VWA5B1: variants seen among roughly 807,000 people sequenced by gnomAD.
The protein encoded by VWA5B1 is von Willebrand factor A domain containing 5B1.
VWA5B1 carries 115 observed loss-of-function variants against 118.2 expected under a neutral mutation model. The observed-to-expected ratio is 0.97, with a 90% confidence interval of 0.84 to 1.14. The LOEUF (loss-of-function observed/expected upper bound fraction) is 1.14. Among genes scored for constraint, VWA5B1 ranks in the 50% most tolerant of loss-of-function variants. The pLI, the probability that VWA5B1 is intolerant of heterozygous loss-of-function variation, is 0.00. For missense variants in VWA5B1, 1,596 were observed against 1,603.8 expected (o/e 1.00, Z 0.08); for synonymous variants, 682 against 658.4 (o/e 1.04, Z -0.55).
At chr1:20,296,432 G>A (rs972294530) in intron 1 of VWA5B1, among the ~76,000 whole-genome samples, 1 of 152,216 alleles carries the variant, frequency 6.6e-6, no homozygotes, top group Non-Finnish European at 1.5e-5. Flanking sequence ...AGGACTCCTA[G>A]TCCTACACAA....
At chr1:20,330,839 A>G in intron 10 of VWA5B1, 30 bp from the exon 11 acceptor site, 1 of 1,538,854 alleles carries the variant, frequency 6.5e-7, no homozygotes, top group African/African-American at 1.4e-5. Context: ...AGGATAAGAC[A>G]TAGCAGCCTC....
chr1:20,335,431 G>T (rs2089685736), intron 12 of VWA5B1, among the ~76,000 whole-genome samples: 1 of 152,126 alleles, frequency 6.6e-6, no homozygotes, highest in African/African-American at 2.4e-5. Flanking sequence ...AACAAAAAAT[G>T]ACCCCCAACA....
chr1:20,356,411 T>C lies in VWA5B1; in HGVS notation c.*2148T>C, dbSNP rs1487090587. On this transcript the variant is annotated 3_prime_UTR_variant, in exon 22 of 22. Coordinates refer to ENST00000289815, the MANE Select transcript of VWA5B1 (RefSeq NM_001039500.3). ...AGTTCTCTGTGTGACCTTGAACAAG[T>C]GGCGTGTGTGTTCTGGGCCTCTTTC... is the stretch of plus-strand genomic sequence containing the variant. 6.6e-6 allele frequency among the ~76,000 whole-genome samples: 1 copy of C among 152,188 alleles called. No homozygotes were observed. The highest frequency in any genetic ancestry group is 1.5e-5 in the Non-Finnish European group (1 of 68,030).
At chr1:20,350,112 G>A in intron 18 of VWA5B1, 44 bp from the exon 19 acceptor site, 2 of 1,535,050 alleles carry the variant, frequency 1.3e-6, no homozygotes, top group Non-Finnish European at 1.8e-6. Context: ...GGGAGGCGAG[G>A]AAGGGAGGGG....
intron 3 of VWA5B1, among the ~76,000 whole-genome samples, chr1:20,314,000 C>A (rs989683643): frequency 6.6e-6 from 1 of 152,052 alleles, no homozygotes; most frequent in Non-Finnish European, 1.5e-5. Context: ...ACTATGGATC[C>A]CCAAGGTGGA....
chr1:20,301,822 G>A (rs2088511143), intron 1 of VWA5B1, among the ~76,000 whole-genome samples: 1 of 152,190 alleles, frequency 6.6e-6, no homozygotes, highest in African/African-American at 2.4e-5. Context: ...CTGAATTTGT[G>A]TAATACAGCC....
chr1:20,303,959 T>C (rs967218610), intron 1 of VWA5B1, among the ~76,000 whole-genome samples: 1 of 152,198 alleles, frequency 6.6e-6, no homozygotes, highest in Non-Finnish European at 1.5e-5. Context: ...ACTTTCTGGC[T>C]GTGTGATGGC....
chr1:20,351,040 C>A, intron 20 of VWA5B1, 114 bp downstream of exon 20: 2 of 1,058,858 alleles, frequency 1.9e-6, no homozygotes, highest in Non-Finnish European at 2.8e-6. Flanking sequence ...GACATTTAGG[C>A]AGGTGTCGTA....
intron 1 of VWA5B1, chr1:20,294,072 C>T (rs1467803283): frequency 6.6e-6 from 1 of 152,240 alleles, no homozygotes; most frequent in African/African-American, 2.4e-5. Context: ...TCATGCCGGG[C>T]TCTGGGCGGG....
At chr1:20,327,341 G>T (rs1053653011) in intron 8 of VWA5B1, among the ~76,000 whole-genome samples, 41 of 152,192 alleles carry the variant, frequency 2.7e-4, no homozygotes, top group African/African-American at 7.7e-4. Context: ...AGTACATCCT[G>T]TGTACCTGAC....
At position 20,327,930 on chromosome 1, in the gene VWA5B1, G is replaced by C; in HGVS notation, c.1184G>C (p.Cys395Ser). The change falls in exon 9 of 22, where the codon TGC (cysteine) becomes TCC (serine). Residue 395 changes from cysteine (C) to serine (S), a missense_variant. Transcript: ENST00000289815. ...LVALKSLMPA[C>S]LFNIIGFGST... ...GCCCTTAAGAGCCTCATGCCAGCCT[G>C]CCTCTTCAATATCATTGGGTTTGGA... is the stretch of plus-strand genomic sequence containing the variant. 6.4e-7 allele frequency: 1 copy of C among 1,551,570 alleles called. No individual in the cohort carries two copies. Among genetic ancestry groups the C allele is most frequent in the Non-Finnish European group, 8.7e-7 (1 of 1,146,992 alleles).
At chr1:20,302,434 C>T (rs935752035) in intron 1 of VWA5B1, among the ~76,000 whole-genome samples, 1 of 152,186 alleles carries the variant, frequency 6.6e-6, no homozygotes, top group Admixed American at 6.5e-5. Flanking sequence ...GAGCACATGC[C>T]ATCCATTCAT....
At chr1:20,353,268 G>A (rs923133844) in intron 21 of VWA5B1, among the ~76,000 whole-genome samples, 6 of 152,148 alleles carry the variant, frequency 3.9e-5, no homozygotes, top group African/African-American at 9.7e-5. Context: ...TCATTGAACT[G>A]AGCCTCCAAA....
intron 7 of VWA5B1, 72 bp downstream of exon 7, chr1:20,319,578 C>A (rs895456696): frequency 3.3e-6 from 5 of 1,533,352 alleles, no homozygotes; most frequent in African/African-American, 1.4e-5. Flanking sequence ...CTCCACTGAA[C>A]AAGTGAGGTG....
intron 2 of VWA5B1, among the ~76,000 whole-genome samples, chr1:20,311,724 A>G (rs1318249088): frequency 6.6e-6 from 1 of 152,120 alleles, no homozygotes. Flanking sequence ...GTCTTTGGTC[A>G]CCAACCTTTG....
Position 20,336,485 on chromosome 1 carries a change from C to T in VWA5B1, c.1941C>T (p.His647=), listed in dbSNP as rs759704237. The T allele has an allele frequency of 4.7e-5, 65 of 1,395,990 alleles. No homozygotes were observed. The highest frequency in any genetic ancestry group is 2.2e-4 in the African/African-American group (15 of 68,710). The allele number at this position is 1,395,990 out of a possible 1,614,324, so 86.5% of individuals were successfully genotyped here. Residue 647 remains histidine (H), a splice_region_variant and synonymous_variant, in exon 13 of 22, where the codon CAC becomes CAT. Transcript: ENST00000289815. ...CCAGCGGAGACTCTACCACCAAGCA[C>T]GGTTCGTCTGCGGCTCTGATGATTG... is the stretch of plus-strand genomic sequence containing the variant. The part of the protein sequence containing the change: ...RLASGDSTTK[H]DLNLSQRRRA...
intron 5 of VWA5B1, 79 bp downstream of exon 5, chr1:20,317,754 G>GCC: frequency 2.2e-4 from 107 of 483,330 alleles, no homozygotes; most frequent in Non-Finnish European, 3.6e-4. Flanking sequence ...ACGGGGGTGG[G>GCC]AAGGAAAGCC....
In VWA5B1 at chr1:20,301,030, C is replaced by A. The variant is rs116712128; in HGVS notation, c.-26-9546C>A. ...CCACAAAGCCTCTCTGTGGAGGGGGCGCATTGTGTACGGGGAAGCAGTCTC... is the reference window on the plus strand; with the variant it reads ...CCACAAAGCCTCTCTGTGGAGGGGGAGCATTGTGTACGGGGAAGCAGTCTC... On this transcript the variant is annotated intron_variant, in intron 1 of 21. Coordinates refer to ENST00000289815, the MANE Select transcript of VWA5B1 (RefSeq NM_001039500.3). 4.3e-4 allele frequency among the ~76,000 whole-genome samples: 65 copies of A among 152,312 alleles called. 1 individual carries two copies. The East Asian group carries it at 0.012, about 28-fold the overall frequency.
intron 3 of VWA5B1, 90 bp downstream of exon 3, chr1:20,313,078 C>A: frequency 6.8e-7 from 1 of 1,475,198 alleles, no homozygotes; most frequent in Non-Finnish European, 9.1e-7. Context: ...GCAAGGATAG[C>A]AGTGGGATAT....
Sources: gnomAD v4.1 joint callset for allele counts (sites outside exome capture counted in the v4.1 genomes callset) on GRCh38, gnomAD v4.1.1 for gene constraint, MANE v1.5 for transcripts, NCBI Gene and HGNC (gene_info 2026-07-23, HGNC 2026-07-21) for gene names.